Variants in PAPLN observed in about 807,000 individuals in gnomAD.
The protein encoded by PAPLN is papilin, proteoglycan like sulfated glycoprotein.
A neutral mutation model predicts 159.0 loss-of-function variants in PAPLN; 146 were observed. That is an observed-to-expected ratio of 0.92 (90% CI 0.80 to 1.05). The LOEUF (loss-of-function observed/expected upper bound fraction) is 1.05. Among genes scored for constraint, PAPLN ranks in the 50% least tolerant of loss-of-function variants. The pLI, the probability that PAPLN is intolerant of heterozygous loss-of-function variation, is 0.00. For missense variants in PAPLN, 1,720 were observed against 1,743.9 expected, an observed-to-expected ratio of 0.99 and a Z score of 0.24; for synonymous variants, 734 against 702.9, an observed-to-expected ratio of 1.04 and a Z score of -0.70.
intron 1 of PAPLN, among the ~76,000 whole-genome samples, chr14:73,238,141 G>T (rs1304493495): frequency 6.6e-6 from 1 of 152,192 alleles, no homozygotes; most frequent in Non-Finnish European, 1.5e-5. Context: ...CCACGGGGAC[G>T]GGCGTCTGCG....
Position 73,272,732 on chromosome 14 carries a change from C to T in PAPLN, c.*68C>T, listed in dbSNP as rs1403825054. The T allele has an allele frequency of 2.7e-5, 37 of 1,383,708 alleles. No individual in the cohort carries two copies. The highest frequency in any genetic ancestry group is 1.7e-4 in the South Asian group (9 of 54,510). The allele number at this position is 1,383,708 out of a possible 1,614,324, so 85.7% of individuals were successfully genotyped here. ...GGCTAGGGAGAAAGGAAGATGGACT[C>T]TTGGCTTCCTCTCTCTGGCTGGCAA... On this transcript the variant is annotated 3_prime_UTR_variant, in exon 27 of 27. Coordinates refer to ENST00000644200, the MANE Select transcript of PAPLN (RefSeq NM_001365906.3).
At chr14:73,270,174 G>A (rs1421557275) in intron 26 of PAPLN, among the ~76,000 whole-genome samples, 2 of 152,118 alleles carry the variant, frequency 1.3e-5, no homozygotes, top group Non-Finnish European at 2.9e-5. Context: ...GGCCTCGCTC[G>A]GCCCACCGTC....
chr14:73,251,181 C>T (rs1885211056), intron 7 of PAPLN, 151 bp downstream of exon 7: 1 of 1,357,460 alleles, frequency 7.4e-7, no homozygotes, highest in Non-Finnish European at 9.9e-7. Flanking sequence ...GAAAGGCCCC[C>T]TGTGGCCTTT....
intron 14 of PAPLN, among the ~76,000 whole-genome samples, chr14:73,256,077 C>T (rs552518814): frequency 6.6e-6 from 1 of 152,286 alleles, no homozygotes; most frequent in African/African-American, 2.4e-5. Context: ...CCCCTGGTGC[C>T]TCAGCTGGGG....
At chr14:73,236,315 C>T (rs900453540), upstream of PAPLN, among the ~76,000 whole-genome samples, 4 of 152,150 alleles carry the variant, frequency 2.6e-5, no homozygotes, top group African/African-American at 2.4e-5. Context: ...CCCTGCCCCC[C>T]GGGACTCACA....
At chr14:73,260,105 C>T (rs1410920790) in intron 16 of PAPLN, among the ~76,000 whole-genome samples, 1 of 152,180 alleles carries the variant, frequency 6.6e-6, no homozygotes, top group Non-Finnish European at 1.5e-5. Flanking sequence ...CCAGCTCAGA[C>T]ACTCACCGGC....
In PAPLN at chr14:73,259,040, T is replaced by A; in HGVS notation, c.1689T>A (p.Pro563=). ...GCAACCCCTGGATGCCGTTGGGCCCTCAGGAGTCCCCTGCCTCAGGTGAGA... is the reference window on the plus strand; with the variant it reads ...GCAACCCCTGGATGCCGTTGGGCCCACAGGAGTCCCCTGCCTCAGGTGAGA... ...PASNPWMPLG[P]QESPASDSRG... is the part of the protein sequence containing the mutation. The change falls in exon 15 of 27, where the codon CCT becomes CCA. Residue 563 remains proline (P), a synonymous_variant. Coordinates refer to ENST00000644200, the MANE Select transcript of PAPLN (RefSeq NM_001365906.3). 1.2e-6 allele frequency: 2 copies of A among 1,611,698 alleles called. No individual in the cohort carries two copies. The highest frequency in any genetic ancestry group is 1.7e-6 in the Non-Finnish European group (2 of 1,179,010).
intron 26 of PAPLN, chr14:73,272,145 G>C (rs141452043): frequency 5.6e-6 from 1 of 179,278 alleles, no homozygotes; most frequent in East Asian, 1.5e-4. Flanking sequence ...GGCAAGAACA[G>C]TTGTCATTTA....
Position 73,251,683 on chromosome 14 carries a change from G to A in PAPLN, c.690G>A (p.Gly230=), listed in dbSNP as rs1202163933. 1.2e-5 allele frequency: 19 copies of A among 1,613,416 alleles called. No homozygotes were observed. The highest frequency in any genetic ancestry group is 1.4e-5 in the Non-Finnish European group (16 of 1,180,022). ...RNFLAVKNVR[G]EYYLNGHWTI... is the part of the protein sequence containing the mutation. ...GCGCAGCTGTGAAGAATGTTCGTGG[G>A]GAATACTACCTCAATGGGCACTGGA... The change falls in exon 9 of 27, where the codon GGG becomes GGA. Residue 230 remains glycine (G), a synonymous_variant. Transcript: ENST00000644200.
intron 14 of PAPLN, among the ~76,000 whole-genome samples, chr14:73,256,867 G>C (rs1885969455): frequency 6.6e-6 from 1 of 151,784 alleles, no homozygotes; most frequent in Non-Finnish European, 1.5e-5. Flanking sequence ...CTGGGTGACA[G>C]AGCAAGATTC....
upstream of PAPLN, among the ~76,000 whole-genome samples, chr14:73,235,823 C>T (rs752559436): frequency 6.6e-6 from 1 of 152,236 alleles, no homozygotes; most frequent in Admixed American, 6.5e-5. Flanking sequence ...CCCCAGGGGC[C>T]CCGCTACAGC....
chr14:73,260,619 C>G, intron 16 of PAPLN, 90 bp from the exon 17 acceptor site: 1 of 1,351,246 alleles, frequency 7.4e-7, no homozygotes, highest in South Asian at 2.5e-5. Context: ...CTGTCAGCCC[C>G]CACCATGGGG....
intron 1 of PAPLN, among the ~76,000 whole-genome samples, chr14:73,238,221 C>T (rs1883179331): frequency 6.6e-6 from 1 of 152,228 alleles, no homozygotes; most frequent in African/African-American, 2.4e-5. Flanking sequence ...ACCCGCCTTC[C>T]CGCCCTCTGG....
chr14:73,255,009 C>A lies in PAPLN; in HGVS notation c.1618C>A (p.Leu540Ile). 6.2e-7 allele frequency: 1 copy of A among 1,613,060 alleles called. No individual in the cohort carries two copies. Residue 540 changes from leucine to isoleucine, a missense_variant, in exon 14 of 27, where the codon CTC (leucine) becomes ATC (isoleucine). Transcript: ENST00000644200. ...VEPCNTQPCH[L>I]PQEVPSMQDV... ...GCCTTGTAACACGCAGCCCTGTCAT[C>A]TCCCCCAGGGTAAGGACAGGAGGGC...
chr14:73,266,405 C>G (rs1887214678), intron 23 of PAPLN, 96 bp from the exon 24 acceptor site: 6 of 1,457,636 alleles, frequency 4.1e-6, no homozygotes, highest in South Asian at 1.3e-5. Context: ...CCTAGAAGAC[C>G]TTGTGTTCCC....
Position 73,273,834 on chromosome 14 carries a change from T to C in PAPLN, c.*1170T>C, listed in dbSNP as rs1186039902. 1.3e-5 allele frequency: 2 copies of C among 152,216 alleles called. No homozygotes were observed. The highest frequency in any genetic ancestry group is 2.9e-5 in the Non-Finnish European group (2 of 68,036). 9.4% of individuals were successfully genotyped at this position (152,216 alleles called of 1,614,324 possible). A position where few individuals can be genotyped will look rare whatever the true frequency, so the allele number is the denominator to read the frequency against. ...CAGAGGGTTAACAGCATAACCCTTGTTGGCAAAATGGAATAGATGTTAAGA... is the reference window on the plus strand; with the variant it reads ...CAGAGGGTTAACAGCATAACCCTTGCTGGCAAAATGGAATAGATGTTAAGA... On this transcript the variant is annotated 3_prime_UTR_variant, in exon 27 of 27. Transcript: ENST00000644200.
At position 73,259,481 on chromosome 14, in the gene PAPLN, G is replaced by A. The variant is rs1344790460; in HGVS notation, c.1921G>A (p.Gly641Ser). 6.2e-7 allele frequency: 1 copy of A among 1,607,904 alleles called. No homozygotes were observed. The highest frequency in any genetic ancestry group is 1.6e-4 in the Middle Eastern group (1 of 6,072). Residue 641 changes from glycine to serine, a missense_variant, in exon 16 of 27, where the codon GGC (glycine) becomes AGC (serine). Transcript: ENST00000644200. ...RHSPHGCCPD[G>S]HTASLGPQWQ... ...CAGTCCTCACGGGTGCTGCCCCGAT[G>A]GCCACACGGCATCTCTCGGGCCTCA...
rs747064146 is a variant in PAPLN, at chr14:73,254,612, C to T, written c.1402C>T (p.Arg468Trp). The change falls in exon 13 of 27, where the codon CGG (arginine) becomes TGG (tryptophan). Residue 468 changes from arginine (R) to tryptophan (W), a missense_variant. By Grantham distance (101) the Arg-to-Trp change is moderately radical. Transcript: ENST00000644200. ...LHTAACSLED[R>W]PPLTEPCVHE... Reference sequence around the variant, plus strand: ...TACCGCAGCGTGCTCCTTGGAAGACCGGCCACCTCTGACTGAGCCCTGTGT... The same window carrying T: ...TACCGCAGCGTGCTCCTTGGAAGACTGGCCACCTCTGACTGAGCCCTGTGT... 34 of 1,614,028 alleles carry T rather than the reference C, an allele frequency of 2.1e-5. No individual in the cohort carries two copies. In the East Asian group the frequency reaches 4.0e-4, roughly 19 times the overall value.
intron 14 of PAPLN, among the ~76,000 whole-genome samples, chr14:73,257,716 G>A (rs1379757347): frequency 6.9e-6 from 1 of 145,314 alleles, no homozygotes; most frequent in Non-Finnish European, 1.5e-5. Context: ...ACTAGTATTT[G>A]GCTATATTTG....
Sources: gnomAD v4.1 joint callset for allele counts (sites outside exome capture counted in the v4.1 genomes callset) on GRCh38, gnomAD v4.1.1 for gene constraint, MANE v1.5 for transcripts, NCBI Gene and HGNC (gene_info 2026-07-23, HGNC 2026-07-21) for gene names.